LNX1: variants seen among roughly 807,000 people sequenced by gnomAD.
LNX1 encodes the protein E3 ubiquitin-protein ligase LNX.
In LNX1, 54 loss-of-function variants were observed where a neutral mutation model predicts 68.4. That is an observed-to-expected ratio of 0.79 (90% CI 0.63 to 0.99). The LOEUF is 0.99. Ranked by LOEUF, LNX1 falls within the 50% of genes least tolerant of loss-of-function variation. The pLI is 0.00. For missense variants in LNX1, 906 were observed against 926.4 expected (o/e 0.98, Z 0.29); for synonymous variants, 336 against 350.0 (o/e 0.96, Z 0.45).
Position 53,573,604 on chromosome 4 carries a change from TCG to T in LNX1, c.380+17_380+18del. ...CCGCTTGGGGGTGGGACTTACCGGC[TCG>T]CTGATGGGGGACCTACCTGGTTTGA... On this transcript the variant is annotated intron_variant, in intron 2 of 10. Coordinates refer to ENST00000263925, the MANE Select transcript of LNX1 (RefSeq NM_001126328.3). 2 of 1,581,540 alleles carry T rather than the reference TCG, an allele frequency of 1.3e-6. No homozygotes were observed. Among genetic ancestry groups the T allele is most frequent in the Non-Finnish European group, 1.7e-6 (2 of 1,161,072 alleles).
At chr4:53,515,619 A>G (rs1394828641) in intron 2 of LNX1, among the ~76,000 whole-genome samples, 1 of 152,162 alleles carries the variant, frequency 6.6e-6, no homozygotes, top group Non-Finnish European at 1.5e-5. Context: ...TGAGTTTAAG[A>G]AGCATTATGC....
At chr4:53,489,541 T>C (rs568151760) in intron 6 of LNX1, among the ~76,000 whole-genome samples, 96 of 152,244 alleles carry the variant, frequency 6.3e-4, no homozygotes, top group African/African-American at 2.3e-3. Context: ...ATCTAGAAGT[T>C]ACTCTCATGA....
chr4:53,479,948 A>T (rs1046797843), intron 7 of LNX1, among the ~76,000 whole-genome samples: 3 of 152,266 alleles, frequency 2.0e-5, no homozygotes, highest in African/African-American at 7.2e-5. Flanking sequence ...CTTTCTGCTC[A>T]TAGGCCTTGC....
intron 9 of LNX1, among the ~76,000 whole-genome samples, chr4:53,468,138 A>C (rs1211499306): frequency 6.6e-6 from 1 of 152,216 alleles, no homozygotes; most frequent in Non-Finnish European, 1.5e-5. Flanking sequence ...CTAACAGCTG[A>C]TCTCTCGGCA....
intron 2 of LNX1, among the ~76,000 whole-genome samples, chr4:53,567,538 A>C (rs982140470): frequency 6.6e-6 from 1 of 152,258 alleles, no homozygotes; most frequent in Non-Finnish European, 1.5e-5. Context: ...CCACAAGAGA[A>C]AGCAGGAAAG....
At chr4:53,539,058 G>A (rs1477097015) in intron 2 of LNX1, 1 of 152,208 alleles carries the variant, frequency 6.6e-6, no homozygotes, top group Admixed American at 6.5e-5. Context: ...TCCAAGGGCT[G>A]AATGTGTTTT....
chr4:53,565,555 G>C (rs1730611987), intron 2 of LNX1, among the ~76,000 whole-genome samples: 2 of 151,842 alleles, frequency 1.3e-5, no homozygotes, highest in Non-Finnish European at 2.9e-5. Context: ...GGAAAAAACA[G>C]AACAGAAAAA....
Position 53,476,882 on chromosome 4 carries a change from T to C in LNX1, c.1763A>G (p.Lys588Arg), listed in dbSNP as rs765515251. 1 of 1,614,186 alleles carries C rather than the reference T, an allele frequency of 6.2e-7. No individual in the cohort carries two copies. The highest frequency in any genetic ancestry group is 8.5e-7 in the Non-Finnish European group (1 of 1,180,040). The change falls in exon 9 of 11, where the codon AAA becomes AGA. Residue 588 changes from lysine to arginine, a missense_variant. Physicochemically the swap from Lys to Arg is conservative, Grantham distance 26 (BLOSUM62 2). Transcript: ENST00000263925. ...LKRTSSSIVLKALEVKEYEPQ... is the reference protein window; with the variant it reads ...LKRTSSSIVLRALEVKEYEPQ... Reference sequence around the variant, plus strand: ...CTCATACTCTTTGACTTCCAAAGCTTTGAGTACTATCGAGGATGATGTTCT... The same window carrying C: ...CTCATACTCTTTGACTTCCAAAGCTCTGAGTACTATCGAGGATGATGTTCT...
At chr4:53,633,351 T>C (rs562115676) in intron 1 of LNX1, among the ~76,000 whole-genome samples, 1 of 152,246 alleles carries the variant, frequency 6.6e-6, no homozygotes, top group Admixed American at 6.5e-5. Flanking sequence ...ACTTTCTTAG[T>C]CTCTATTCTC....
intron 6 of LNX1, among the ~76,000 whole-genome samples, chr4:53,487,859 A>G (rs1724413638): frequency 6.6e-6 from 1 of 152,366 alleles, no homozygotes. Flanking sequence ...TTTTCCAAGT[A>G]TCTCAAAATG....
intron 1 of LNX1, among the ~76,000 whole-genome samples, chr4:53,636,396 A>T (rs1181918079): frequency 2.0e-5 from 3 of 152,004 alleles, no homozygotes; most frequent in African/African-American, 7.2e-5. Flanking sequence ...CACAGGAGAA[A>T]TGCTGGCAGA....
At chr4:53,546,745 G>A (rs1729144063) in intron 2 of LNX1, among the ~76,000 whole-genome samples, 1 of 152,186 alleles carries the variant, frequency 6.6e-6, no homozygotes, top group Non-Finnish European at 1.5e-5. Flanking sequence ...TCAAACTGGG[G>A]AAGGAGGAAA....
intron 2 of LNX1, among the ~76,000 whole-genome samples, chr4:53,610,839 A>G (rs934326995): frequency 1.3e-5 from 2 of 152,012 alleles, no homozygotes. Flanking sequence ...AAGTAATAGG[A>G]TATATAAATA....
chr4:53,555,310 C>T (rs1253896903), intron 2 of LNX1, among the ~76,000 whole-genome samples: 3 of 152,122 alleles, frequency 2.0e-5, no homozygotes, highest in African/African-American at 4.8e-5. Flanking sequence ...CTAACCTTTC[C>T]GCTGGTGCCA....
At position 53,493,031 on chromosome 4, in the gene LNX1, G is replaced by A. The variant is rs149925831; in HGVS notation, c.1350+2992C>T. On this transcript the variant is annotated intron_variant, in intron 6 of 10. Transcript: ENST00000263925. ...TGTCTCCAGGCTGGAGTGCAGTGGT[G>A]CGATCTTGGCTCACTGAAACCTCCG... 6.8e-3 allele frequency among the ~76,000 whole-genome samples: 1,033 copies of A among 152,098 alleles called. 9 individuals carry two copies. Among genetic ancestry groups the A allele is most frequent in the African/African-American group, 0.023 (970 of 41,498 alleles).
chr4:53,546,630 G>C (rs1279690756), intron 2 of LNX1, among the ~76,000 whole-genome samples: 2 of 152,130 alleles, frequency 1.3e-5, no homozygotes, highest in African/African-American at 4.8e-5. Context: ...AAAATAGGGG[G>C]ATTAGACTAA....
chr4:53,633,225 C>T (rs1207542209), intron 1 of LNX1, among the ~76,000 whole-genome samples: 2 of 152,156 alleles, frequency 1.3e-5, no homozygotes, highest in Admixed American at 6.5e-5. Context: ...ATGTGAAAAC[C>T]TATGGCACAT....
intron 1 of LNX1, among the ~76,000 whole-genome samples, chr4:53,589,307 C>G (rs527406753): frequency 1.2e-4 from 18 of 152,326 alleles, no homozygotes; most frequent in Admixed American, 2.6e-4. Context: ...ATCTGCCCAC[C>G]TTGTTTGATG....
intron 1 of LNX1, among the ~76,000 whole-genome samples, chr4:53,636,803 A>G (rs964616564): frequency 2.6e-5 from 4 of 152,040 alleles, no homozygotes; most frequent in African/African-American, 7.2e-5. Context: ...CTCCAGTGAA[A>G]TTTCTTGGAT....
Sources: gnomAD v4.1 joint callset for allele counts (sites outside exome capture counted in the v4.1 genomes callset) on GRCh38, gnomAD v4.1.1 for gene constraint, MANE v1.5 for transcripts, NCBI Gene and HGNC (gene_info 2026-07-23, HGNC 2026-07-21) for gene names.